Variants in GRM3 observed in about 807,000 individuals in gnomAD.
GRM3 encodes the protein metabotropic glutamate receptor 3.
GRM3 carries 26 observed loss-of-function variants against 70.5 expected under a neutral mutation model. The ratio of observed to expected loss-of-function variants is 0.37; its 90% CI spans 0.27 to 0.51. The LOEUF is 0.51. Ranked by LOEUF, GRM3 falls within the 20% of genes least tolerant of loss-of-function variation. GRM3 has a pLI of 0.93. For synonymous variants in GRM3, 443 were observed against 434.9 expected (o/e 1.02, Z -0.23); for missense variants, 859 against 1,123.8 (o/e 0.76, Z 3.37).
chr7:86,653,812 A>AT (rs1252103829), intron 1 of GRM3, among the ~76,000 whole-genome samples: 1 of 152,088 alleles, frequency 6.6e-6, no homozygotes, highest in Non-Finnish European at 1.5e-5. Context: ...ATATTAATAT[A>AT]TTAGAAAGAT....
chr7:86,649,099 A>G lies in GRM3; in HGVS notation c.-141+4227A>G, dbSNP rs1255414702. Among the ~76,000 whole-genome samples the G allele has an allele frequency of 2.0e-5, 3 of 152,184 alleles. No homozygotes were observed. In the East Asian group the frequency reaches 5.8e-4, roughly 29 times the overall value. On this transcript the variant is annotated intron_variant, in intron 1 of 5. Transcript: ENST00000361669. ...GAAATCAAGGAGGAGACATCTTTCC[A>G]AAACTTATTTTTAAACAAATAAAAT...
chr7:86,848,801 G>A (rs1217062350), intron 4 of GRM3, among the ~76,000 whole-genome samples: 1 of 152,106 alleles, frequency 6.6e-6, no homozygotes, highest in East Asian at 1.9e-4. Context: ...AGAGCAACTA[G>A]CCTTTTCCTC....
chr7:86,672,114 G>A (rs1794186896), intron 1 of GRM3, among the ~76,000 whole-genome samples: 2 of 152,104 alleles, frequency 1.3e-5, no homozygotes, highest in Non-Finnish European at 2.9e-5. Flanking sequence ...TCAATCTTAG[G>A]TGATAAAAAG....
intron 1 of GRM3, among the ~76,000 whole-genome samples, chr7:86,726,867 A>G (rs34436204): frequency 0.1 from 15,332 of 152,222 alleles, 907 homozygotes; most frequent in Middle Eastern, 0.16. Flanking sequence ...AGTGATAACT[A>G]TCTGTCAGGA....
chr7:86,835,062 T>A (rs1173022404), intron 3 of GRM3, among the ~76,000 whole-genome samples: 1 of 152,084 alleles, frequency 6.6e-6, no homozygotes, highest in East Asian at 1.9e-4. Flanking sequence ...TAAAATTTAG[T>A]ATAATACTGT....
intron 3 of GRM3, among the ~76,000 whole-genome samples, chr7:86,812,735 G>A (rs917666596): frequency 6.6e-6 from 1 of 151,608 alleles, no homozygotes; most frequent in East Asian, 1.9e-4. Context: ...TGGTCTATTT[G>A]GGGAGAAAAT....
chr7:86,860,831 G>C (rs1402294844), intron 5 of GRM3, among the ~76,000 whole-genome samples: 2 of 152,142 alleles, frequency 1.3e-5, no homozygotes, highest in Non-Finnish European at 2.9e-5. Context: ...AGAATGCAAT[G>C]GGCAAGTTGA....
At chr7:86,710,656 C>T (rs947788089) in intron 1 of GRM3, among the ~76,000 whole-genome samples, 1 of 150,944 alleles carries the variant, frequency 6.6e-6, no homozygotes, top group African/African-American at 2.4e-5. Flanking sequence ...TTAAAAACAT[C>T]CTAAATTTAC....
intron 1 of GRM3, among the ~76,000 whole-genome samples, chr7:86,749,146 T>G (rs1796172297): frequency 6.6e-6 from 1 of 152,118 alleles, no homozygotes; most frequent in Admixed American, 6.6e-5. Context: ...TAATTCTTAC[T>G]ACTGGCATAG....
At chr7:86,787,278 C>G (rs1413254281) in intron 3 of GRM3, among the ~76,000 whole-genome samples, 162 bp downstream of exon 3, 1 of 152,192 alleles carries the variant, frequency 6.6e-6, no homozygotes, top group East Asian at 1.9e-4. Context: ...GGTTCTCTAA[C>G]ATTCTTACTC....
chr7:86,703,698 A>G (rs1794994786), intron 1 of GRM3, among the ~76,000 whole-genome samples: 1 of 151,978 alleles, frequency 6.6e-6, no homozygotes, highest in African/African-American at 2.4e-5. Context: ...AGCTCAGCGA[A>G]GTGGAATGAT....
At chr7:86,708,603 G>A (rs1000833513) in intron 1 of GRM3, among the ~76,000 whole-genome samples, 2 of 152,054 alleles carry the variant, frequency 1.3e-5, no homozygotes, top group South Asian at 2.1e-4. Flanking sequence ...GGGGTGCCAC[G>A]TCAACGAATC....
At chr7:86,713,501 T>A (rs1166531759) in intron 1 of GRM3, among the ~76,000 whole-genome samples, 2 of 151,890 alleles carry the variant, frequency 1.3e-5, no homozygotes, top group Non-Finnish European at 2.9e-5. Flanking sequence ...AAGCCCCATA[T>A]TTTCTCCCTT....
At chr7:86,675,166 A>T (rs1794275498) in intron 1 of GRM3, among the ~76,000 whole-genome samples, 1 of 152,074 alleles carries the variant, frequency 6.6e-6, no homozygotes, top group Non-Finnish European at 1.5e-5. Flanking sequence ...CATTTTCATG[A>T]CATATTTCAT....
intron 3 of GRM3, among the ~76,000 whole-genome samples, chr7:86,816,977 T>A (rs1283100459): frequency 6.6e-6 from 1 of 151,854 alleles, no homozygotes; most frequent in East Asian, 1.9e-4. Flanking sequence ...AACCCTGAGG[T>A]TCTCCATATT....
At chr7:86,783,289 G>T (rs541210051) in intron 2 of GRM3, among the ~76,000 whole-genome samples, 1 of 152,266 alleles carries the variant, frequency 6.6e-6, no homozygotes, top group South Asian at 2.1e-4. Flanking sequence ...GAAGCCTCAG[G>T]TTTATAGTCA....
intron 1 of GRM3, among the ~76,000 whole-genome samples, chr7:86,721,261 G>T (rs1436094422): frequency 6.6e-6 from 1 of 152,018 alleles, no homozygotes; most frequent in Non-Finnish European, 1.5e-5. Flanking sequence ...AAAGCTTTTA[G>T]CATCCCAGCC....
At chr7:86,818,952 C>G (rs970645378) in intron 3 of GRM3, among the ~76,000 whole-genome samples, 2 of 152,110 alleles carry the variant, frequency 1.3e-5, no homozygotes, top group African/African-American at 2.4e-5. Context: ...CTCATCAGAT[C>G]TCTAATCAGA....
chr7:86,806,314 G>T (rs1462131940), intron 3 of GRM3, among the ~76,000 whole-genome samples: 1 of 152,128 alleles, frequency 6.6e-6, no homozygotes, highest in Non-Finnish European at 1.5e-5. Flanking sequence ...GATCCCTGAG[G>T]AATCGCCACA....
Sources: allele counts gnomAD v4.1 joint callset (sites outside exome capture counted in the v4.1 genomes callset), GRCh38; gene constraint gnomAD v4.1.1; transcripts MANE v1.5; gene names NCBI Gene and HGNC (gene_info 2026-07-23, HGNC 2026-07-21).